Variants in ATP13A5 observed in about 807,000 individuals in gnomAD.
ATP13A5 encodes the protein ATPase 13A5.
A neutral mutation model predicts 150.2 loss-of-function variants in ATP13A5; 149 were observed. The ratio of observed to expected loss-of-function variants is 0.99; its 90% CI spans 0.87 to 1.14. The LOEUF (loss-of-function observed/expected upper bound fraction) is 1.14, where lower values mean the gene tolerates loss of function less well. ATP13A5 is among the 50% of genes most tolerant of loss of function. ATP13A5 has a pLI of 0.00. For synonymous variants in ATP13A5, 497 were observed against 522.2 expected, an observed-to-expected ratio of 0.95 and a Z score of 0.66; for missense variants, 1,383 against 1,449.3, an observed-to-expected ratio of 0.95 and a Z score of 0.74.
At position 193,315,097 on chromosome 3, in the gene ATP13A5, C is replaced by T. The variant is rs138259240; in HGVS notation, c.2034-1G>A. ...TGTTAACTCTGACTCCACTTTTTCT[C>T]TTTGTATTCAGGAGAAAATCAATAT... On this transcript the variant is annotated splice_acceptor_variant, in intron 17 of 29. Transcript: ENST00000342358. LOFTEE classifies it high-confidence loss of function. 2.5e-6 allele frequency: 4 copies of T among 1,612,084 alleles called. No individual in the cohort carries two copies. Among genetic ancestry groups the T allele is most frequent in the Non-Finnish European group, 1.7e-6 (2 of 1,178,798 alleles).
chr3:193,362,395 T>C lies in ATP13A5; in HGVS notation c.522A>G (p.Glu174=). 6.2e-7 allele frequency: 1 copy of C among 1,614,086 alleles called. No homozygotes were observed. The highest frequency in any genetic ancestry group is 8.5e-7 in the Non-Finnish European group (1 of 1,179,942). ...ATAAGTCCTACCTGACCTCTTGCTC[T>C]TCACTGGTCAGACCCAATCCAAATG... The part of the protein sequence containing the change: ...HQTFGLGLTS[E]EQEVRRLVCG... The change falls in exon 5 of 30, where the codon GAA becomes GAG. Residue 174 remains glutamate, a synonymous_variant. Coordinates refer to ENST00000342358, the MANE Select transcript of ATP13A5 (RefSeq NM_198505.4).
intron 23 of ATP13A5, among the ~76,000 whole-genome samples, chr3:193,305,075 A>T (rs1462491944): frequency 6.6e-6 from 1 of 152,204 alleles, no homozygotes; most frequent in African/African-American, 2.4e-5. Flanking sequence ...CACAAAGCCA[A>T]ACCATATCAC....
chr3:193,317,140 C>T (rs1487599884), intron 17 of ATP13A5, among the ~76,000 whole-genome samples: 1 of 152,200 alleles, frequency 6.6e-6, no homozygotes, highest in South Asian at 2.1e-4. Context: ...TTGTACCCAC[C>T]ATTTCTATTC....
chr3:193,309,153 C>A (rs1035893806), intron 21 of ATP13A5, among the ~76,000 whole-genome samples: 2 of 152,164 alleles, frequency 1.3e-5, no homozygotes, highest in African/African-American at 4.8e-5. Flanking sequence ...CAAGAAGTAC[C>A]ATTTCACTAT....
intron 23 of ATP13A5, among the ~76,000 whole-genome samples, chr3:193,301,751 T>A (rs540464699): frequency 2.2e-4 from 33 of 152,240 alleles, no homozygotes; most frequent in Non-Finnish European, 4.4e-4. Flanking sequence ...GCTTTAGAGG[T>A]CCTTGGAGAC....
intron 1 of ATP13A5, among the ~76,000 whole-genome samples, chr3:193,367,415 A>G (rs765698196): frequency 1.3e-5 from 2 of 152,104 alleles, no homozygotes; most frequent in Non-Finnish European, 2.9e-5. Context: ...TTAAGATAGA[A>G]ATGATACTAT....
chr3:193,339,905 A>T (rs1365556190), intron 9 of ATP13A5, among the ~76,000 whole-genome samples: 3 of 152,326 alleles, frequency 2.0e-5, no homozygotes, highest in Middle Eastern at 3.4e-3. Flanking sequence ...TCATGTATTG[A>T]TCAATCAGTA....
chr3:193,367,966 A>G (rs1713292699), intron 1 of ATP13A5, among the ~76,000 whole-genome samples: 1 of 150,976 alleles, frequency 6.6e-6, no homozygotes, highest in Admixed American at 6.6e-5. Context: ...AGAAATAGAG[A>G]AAGAAAGAGG....
At position 193,320,709 on chromosome 3, in the gene ATP13A5, G is replaced by C. The variant is rs557388843; in HGVS notation, c.1915+972C>G. 9.9e-5 allele frequency among the ~76,000 whole-genome samples: 15 copies of C among 152,246 alleles called. No individual in the cohort carries two copies. In the South Asian group the frequency reaches 2.7e-3, roughly 27 times the overall value. On this transcript the variant is annotated intron_variant, in intron 16 of 29. Coordinates refer to ENST00000342358, the MANE Select transcript of ATP13A5 (RefSeq NM_198505.4). Reference sequence around the variant, plus strand: ...CTAGAATTCTCTGCACAAGTTGATGGCCATCAGCAATCATAAGGAGAGTCT... The same window carrying C: ...CTAGAATTCTCTGCACAAGTTGATGCCCATCAGCAATCATAAGGAGAGTCT...
chr3:193,323,926 G>C (rs890441667), intron 14 of ATP13A5: 1 of 152,092 alleles, frequency 6.6e-6, no homozygotes, highest in Non-Finnish European at 1.5e-5. Context: ...TACATCATTG[G>C]ACACAGCTTT....
intron 27 of ATP13A5, among the ~76,000 whole-genome samples, chr3:193,284,656 T>C (rs910270664): frequency 1.3e-5 from 2 of 152,246 alleles, no homozygotes; most frequent in African/African-American, 4.8e-5. Flanking sequence ...CATGCATGTA[T>C]GTGTTTAAAA....
chr3:193,274,956 A>G lies in ATP13A5; in HGVS notation c.*86T>C, dbSNP rs1220253137. On this transcript the variant is annotated 3_prime_UTR_variant, in exon 30 of 30. Transcript: ENST00000342358. ...ATGCTTGAATGGAGAGAGGAAAGGT[A>G]AGGGGAGAGTATCATCACTTCTCCA... 1.3e-6 allele frequency: 2 copies of G among 1,520,962 alleles called. No individual in the cohort carries two copies. The highest frequency in any genetic ancestry group is 2.3e-5 in the East Asian group (1 of 44,392). 94.2% of individuals were successfully genotyped at this position (1,520,962 alleles called of 1,614,324 possible).
intron 14 of ATP13A5, 142 bp downstream of exon 14, chr3:193,324,722 T>C: frequency 2.3e-6 from 2 of 854,952 alleles, no homozygotes; most frequent in East Asian, 2.6e-5. Context: ...GGGGCACAGG[T>C]TGGGAAGTTC....
chr3:193,307,265 C>T (rs1003308758), intron 22 of ATP13A5, 62 bp downstream of exon 22: 221 of 1,611,752 alleles, frequency 1.4e-4, no homozygotes, highest in Non-Finnish European at 1.8e-4. Context: ...CCAGGAGAGC[C>T]TGAGGTCCTC....
intron 23 of ATP13A5, among the ~76,000 whole-genome samples, chr3:193,302,859 G>A (rs1287894520): frequency 6.6e-6 from 1 of 152,136 alleles, no homozygotes; most frequent in African/African-American, 2.4e-5. Flanking sequence ...GCCTAACAGA[G>A]CTGAACCATA....
At chr3:193,332,716 C>T (rs931148613) in intron 11 of ATP13A5, among the ~76,000 whole-genome samples, 1 of 152,102 alleles carries the variant, frequency 6.6e-6, no homozygotes, top group Non-Finnish European at 1.5e-5. Context: ...CCTTGTCTAG[C>T]GCTGAACCAG....
intron 23 of ATP13A5, among the ~76,000 whole-genome samples, chr3:193,304,860 TACAA>T (rs1421759945): frequency 2.0e-5 from 3 of 152,164 alleles, no homozygotes; most frequent in Non-Finnish European, 4.4e-5. Flanking sequence ...TCAGGAAACT[TACAA>T]AGATGGCGAA....
chr3:193,373,281 G>A (rs1328565466), intron 1 of ATP13A5, among the ~76,000 whole-genome samples: 1 of 152,012 alleles, frequency 6.6e-6, no homozygotes, highest in African/African-American at 2.4e-5. Flanking sequence ...GGGATTACAG[G>A]CAGCTGCCAC....
intron 24 of ATP13A5, among the ~76,000 whole-genome samples, chr3:193,300,580 T>C (rs921943817): frequency 6.6e-6 from 1 of 152,158 alleles, no homozygotes; most frequent in African/African-American, 2.4e-5. Context: ...TGTTGGATCA[T>C]TTTACTGTAG....
Sources: gnomAD v4.1 joint callset for allele counts (sites outside exome capture counted in the v4.1 genomes callset) on GRCh38, gnomAD v4.1.1 for gene constraint, MANE v1.5 for transcripts, NCBI Gene and HGNC (gene_info 2026-07-23, HGNC 2026-07-21) for gene names.